Variants in CHRNB3 observed in about 807,000 individuals in gnomAD.
CHRNB3 encodes the protein neuronal acetylcholine receptor subunit beta-3.
Under a neutral mutation model 40.6 loss-of-function variants are expected in CHRNB3, and 37 were observed. That is an observed-to-expected ratio of 0.91 (90% confidence interval 0.70 to 1.20). The LOEUF (loss-of-function observed/expected upper bound fraction) is 1.20, where lower values mean the gene tolerates loss of function less well. Among genes scored for constraint, CHRNB3 ranks in the 50% most tolerant of loss-of-function variants. The pLI, the probability that CHRNB3 is intolerant of heterozygous loss-of-function variation, is 0.00. For missense variants in CHRNB3, 505 were observed against 551.2 expected (o/e 0.92, Z 0.84); for synonymous variants, 207 against 207.1 (o/e 1.00, Z 0.00).
intron 5 of CHRNB3, among the ~76,000 whole-genome samples, chr8:42,733,596 T>C (rs889297905): frequency 0.027 from 164 of 6,102 alleles, 2 homozygotes; most frequent in Middle Eastern, 0.11. Context: ...CTTCTTCTTT[T>C]TTTTTTTTTT....
Position 42,730,641 on chromosome 8 carries a change from G to A in CHRNB3, c.297G>A (p.Gly99=), listed in dbSNP as rs1381361408. The part of the protein sequence containing the change: ...KLRWNPDDYG[G]IHSIKVPSES... Reference sequence around the variant, plus strand: ...GCTGGAATCCTGATGATTATGGTGGGATCCATTCCATTAAAGTTCCATCAG... The same window carrying A: ...GCTGGAATCCTGATGATTATGGTGGAATCCATTCCATTAAAGTTCCATCAG... The change falls in exon 4 of 6, where the codon GGG becomes GGA. Residue 99 remains glycine, a synonymous_variant. Transcript: ENST00000289957. 1.2e-6 allele frequency: 2 copies of A among 1,610,098 alleles called. No homozygotes were observed. The highest frequency in any genetic ancestry group is 1.3e-5 in the African/African-American group (1 of 74,696).
intron 3 of CHRNB3, among the ~76,000 whole-genome samples, chr8:42,713,299 AC>A (rs1205259746): frequency 1.3e-5 from 2 of 151,974 alleles, no homozygotes; most frequent in Non-Finnish European, 2.9e-5. Context: ...GGCGCCGAGG[AC>A]CCTGAGGGCC....
At chr8:42,728,921 C>T (rs1816353251) in intron 3 of CHRNB3, among the ~76,000 whole-genome samples, 1 of 152,092 alleles carries the variant, frequency 6.6e-6, no homozygotes, top group Non-Finnish European at 1.5e-5. Context: ...CTCTGAGACT[C>T]AGACCTACCA....
At position 42,730,576 on chromosome 8, in the gene CHRNB3, T is replaced by C; in HGVS notation, c.250-18T>C. On this transcript the variant is annotated intron_variant, in intron 3 of 5. Coordinates refer to ENST00000289957, the MANE Select transcript of CHRNB3 (RefSeq NM_000749.5). ...TTGAACTTTCGGAATAAAATCACAG[T>C]GTACTAATTTCATGCAGGAATGGAC... 1.4e-6 allele frequency: 2 copies of C among 1,425,390 alleles called. No individual in the cohort carries two copies. The highest frequency in any genetic ancestry group is 2.0e-5 in the Admixed American group (1 of 49,404). 88.3% of individuals were successfully genotyped at this position (1,425,390 alleles called of 1,614,324 possible).
At chr8:42,724,633 C>G (rs1313012235) in intron 3 of CHRNB3, among the ~76,000 whole-genome samples, 1 of 152,112 alleles carries the variant, frequency 6.6e-6, no homozygotes, top group Non-Finnish European at 1.5e-5. Flanking sequence ...AAGCAGGACT[C>G]CTTCCTCCAT....
Position 42,703,435 on chromosome 8 carries a change from A to AAAAAAAAAAT in CHRNB3, c.53-5281_53-5280insAAAAAAAATA. Among the ~76,000 whole-genome samples, 27 of 47,398 alleles carry AAAAAAAAAAT rather than the reference A, an allele frequency of 5.7e-4. 4 individuals are homozygous for AAAAAAAAAAT. The highest frequency in any genetic ancestry group is 2.3e-3 in the East Asian group (2 of 878). 31.1% of individuals were successfully genotyped at this position (47,398 alleles called of 152,430 possible). ...CAAGACTTCGTCTAAAAAAAAAAAA[A>AAAAAAAAAAT]ATATTTATATATATATATATATATA... is the stretch of plus-strand genomic sequence containing the variant. On this transcript the variant is annotated intron_variant, in intron 1 of 5. Transcript: ENST00000289957.
At chr8:42,731,347 A>T (rs1216357329) in intron 4 of CHRNB3, among the ~76,000 whole-genome samples, 1 of 152,128 alleles carries the variant, frequency 6.6e-6, no homozygotes, top group Non-Finnish European at 1.5e-5. Context: ...TGAGGTCAGG[A>T]GTTCGGGACC....
chr8:42,700,511 G>A (rs1815772461), intron 1 of CHRNB3, among the ~76,000 whole-genome samples: 1 of 151,700 alleles, frequency 6.6e-6, no homozygotes, highest in South Asian at 2.1e-4. Context: ...GTAGAGATGA[G>A]GTTTCACCAT....
chr8:42,709,952 C>T (rs2128905519), intron 2 of CHRNB3, among the ~76,000 whole-genome samples: 1 of 152,272 alleles, frequency 6.6e-6, no homozygotes, highest in East Asian at 1.9e-4. Context: ...CTTTAAAGTG[C>T]CTTCTGGGTC....
At chr8:42,721,320 G>T (rs557263572) in intron 3 of CHRNB3, among the ~76,000 whole-genome samples, 1 of 152,166 alleles carries the variant, frequency 6.6e-6, no homozygotes, top group Non-Finnish European at 1.5e-5. Flanking sequence ...ATATTCCCAG[G>T]ACCTGGTTCC....
At chr8:42,698,307 G>A (rs533837597) in intron 1 of CHRNB3, among the ~76,000 whole-genome samples, 3 of 152,256 alleles carry the variant, frequency 2.0e-5, no homozygotes, top group African/African-American at 7.2e-5. Context: ...CTGGGTTTGG[G>A]AATCTTTTCA....
chr8:42,725,099 T>C (rs1816284726), intron 3 of CHRNB3, among the ~76,000 whole-genome samples: 1 of 150,666 alleles, frequency 6.6e-6, no homozygotes, highest in Admixed American at 6.6e-5. Flanking sequence ...CTTTTTTTTT[T>C]TTTTTTTGAG....
intron 3 of CHRNB3, among the ~76,000 whole-genome samples, chr8:42,723,974 T>C (rs1021940970): frequency 3.3e-5 from 5 of 151,780 alleles, no homozygotes; most frequent in Non-Finnish European, 5.9e-5. Context: ...TAATACCAGC[T>C]ACTAAGGAGG....
intron 3 of CHRNB3, among the ~76,000 whole-genome samples, chr8:42,726,425 A>C (rs62518228): frequency 0.057 from 8,670 of 152,140 alleles, 322 homozygotes; most frequent in Middle Eastern, 0.099. Flanking sequence ...ATGCAAAAGT[A>C]GATTGTATAT....
chr8:42,699,854 C>T (rs1480060618), intron 1 of CHRNB3, among the ~76,000 whole-genome samples: 5 of 146,574 alleles, frequency 3.4e-5, no homozygotes, highest in East Asian at 2.0e-4. Flanking sequence ...CCATGGGTGA[C>T]GGAAGAGGCT....
At chr8:42,725,728 G>T in intron 3 of CHRNB3, 1 of 920,092 alleles carries the variant, frequency 1.1e-6, no homozygotes, top group Non-Finnish European at 1.8e-6. Flanking sequence ...TGTGTTGTCT[G>T]TCAGAGGGAT....
At position 42,723,023 on chromosome 8, in the gene CHRNB3, G is replaced by A. The variant is rs111565444; in HGVS notation, c.250-7571G>A. Among the ~76,000 whole-genome samples the A allele has an allele frequency of 5.5e-4, 83 of 151,240 alleles. 1 individual carries two copies. The highest frequency in any genetic ancestry group is 3.4e-3 in the Middle Eastern group (1 of 290). ...TTACTTAGATATTTACTAAAATATC[G>A]TAATAAGATATCCTATTACTTAGAT... On this transcript the variant is annotated intron_variant, in intron 3 of 5. Coordinates refer to ENST00000289957, the MANE Select transcript of CHRNB3 (RefSeq NM_000749.5).
chr8:42,717,154 A>G (rs1251548440), intron 3 of CHRNB3, among the ~76,000 whole-genome samples: 1 of 134,480 alleles, frequency 7.4e-6, no homozygotes, highest in Non-Finnish European at 1.6e-5. Context: ...CGGGCGGATC[A>G]CGAGGTCAGG....
chr8:42,733,646 G>A (rs1040753115), intron 5 of CHRNB3, among the ~76,000 whole-genome samples: 1 of 131,386 alleles, frequency 7.6e-6, no homozygotes, highest in Admixed American at 8.9e-5. Context: ...AGGTTGGAGT[G>A]CGGTGGTGTG....
Sources: allele counts gnomAD v4.1 joint callset (sites outside exome capture counted in the v4.1 genomes callset), GRCh38; gene constraint gnomAD v4.1.1; transcripts MANE v1.5; gene names NCBI Gene and HGNC (gene_info 2026-07-23, HGNC 2026-07-21).